Variants in EFCAB14 observed in about 807,000 individuals in gnomAD.
EFCAB14 encodes the protein EF-hand calcium-binding domain-containing protein 14.
A neutral mutation model predicts 56.5 loss-of-function variants in EFCAB14; 43 were observed. That is an observed-to-expected ratio of 0.76 (90% CI 0.60 to 0.98). EFCAB14 has a LOEUF of 0.98. Among genes scored for constraint, EFCAB14 ranks in the 50% least tolerant of loss-of-function variants. EFCAB14 has a pLI of 0.00. For missense variants in EFCAB14, 538 were observed against 580.3 expected (o/e 0.93, Z 0.75); for synonymous variants, 235 against 212.9 (o/e 1.10, Z -0.90).
At chr1:46,686,503 G>A (rs1676883986) in intron 8 of EFCAB14, among the ~76,000 whole-genome samples, 1 of 152,048 alleles carries the variant, frequency 6.6e-6, no homozygotes, top group African/African-American at 2.4e-5. Flanking sequence ...ATGTGTTAAC[G>A]ATTTTCTGAC....
At position 46,698,042 on chromosome 1, in the gene EFCAB14, G is replaced by A. The variant is rs1353584352; in HGVS notation, c.481-1393C>T. ...AATTTTTGCATTTTTAGTAAAGATA[G>A]GGGTTTCGCCATGTTGGCCAGGCTG... is the stretch of plus-strand genomic sequence containing the variant. On this transcript the variant is annotated intron_variant, in intron 3 of 10. Transcript: ENST00000371933. Among the ~76,000 whole-genome samples the A allele has an allele frequency of 2.0e-5, 3 of 152,120 alleles. No individual in the cohort carries two copies. The East Asian group carries it at 5.8e-4, about 30-fold the overall frequency.
chr1:46,706,763 C>A (rs6667885), intron 3 of EFCAB14, among the ~76,000 whole-genome samples: 57,332 of 152,046 alleles, frequency 0.38, 12,155 homozygotes, highest in East Asian at 0.78. Context: ...AAATACTAGA[C>A]GGCTGTAACT....
At chr1:46,694,963 C>A (rs950759284) in intron 4 of EFCAB14, among the ~76,000 whole-genome samples, 2 of 151,376 alleles carry the variant, frequency 1.3e-5, no homozygotes, top group African/African-American at 4.9e-5. Flanking sequence ...TCATTCTCAG[C>A]AAACTATTGC....
chr1:46,717,707 T>C (rs1329754599), intron 1 of EFCAB14, among the ~76,000 whole-genome samples, 196 bp downstream of exon 1: 2 of 152,214 alleles, frequency 1.3e-5, no homozygotes, highest in Non-Finnish European at 2.9e-5. Context: ...TTTCTACACC[T>C]AAAGACAGAT....
chr1:46,700,986 A>AGTGAGTGT (rs145670885), intron 3 of EFCAB14, among the ~76,000 whole-genome samples: 2,103 of 142,902 alleles, frequency 0.015, 15 homozygotes, highest in Non-Finnish European at 0.021. Flanking sequence ...AGAGTGAGTG[A>AGTGAGTGT]GTGTGTGTGT....
chr1:46,710,657 G>A (rs538096741), intron 2 of EFCAB14, among the ~76,000 whole-genome samples: 11 of 152,150 alleles, frequency 7.2e-5, no homozygotes, highest in Admixed American at 7.2e-4. Flanking sequence ...GGGCTCAGGC[G>A]ATCCTTCTGC....
At chr1:46,683,560 T>C (rs1240996314) in intron 9 of EFCAB14, 135 bp from the exon 10 acceptor site, 4 of 948,484 alleles carry the variant, frequency 4.2e-6, no homozygotes, top group Non-Finnish European at 4.6e-6. Context: ...AGTAGCATAG[T>C]GACTATGTGA....
intron 2 of EFCAB14, among the ~76,000 whole-genome samples, chr1:46,710,440 A>G (rs1358537336): frequency 2.0e-5 from 3 of 152,142 alleles, no homozygotes; most frequent in African/African-American, 7.2e-5. Context: ...CCTCCTATCT[A>G]GCTGTAATTT....
intron 2 of EFCAB14, among the ~76,000 whole-genome samples, chr1:46,715,558 C>T (rs1024770373): frequency 6.6e-6 from 1 of 152,024 alleles, no homozygotes; most frequent in Non-Finnish European, 1.5e-5. Context: ...ACAGATGCTC[C>T]CACATTCTTT....
Position 46,676,165 on chromosome 1 carries a change from T to C in EFCAB14, c.*2296A>G, listed in dbSNP as rs1026303019. The C allele has an allele frequency of 3.3e-5, 5 of 152,194 alleles. No homozygotes were observed. Among genetic ancestry groups the C allele is most frequent in the Admixed American group, 2.6e-4 (4 of 15,286 alleles). 9.4% of individuals were successfully genotyped at this position (152,194 alleles called of 1,614,324 possible). ...AAGAAAGGAGTTCAAGATACCCTAC[T>C]TTTGCCTGGAAGATGTACTTTCTCA... On this transcript the variant is annotated 3_prime_UTR_variant, in exon 11 of 11. Coordinates refer to ENST00000371933, the MANE Select transcript of EFCAB14 (RefSeq NM_014774.3).
intron 8 of EFCAB14, 95 bp downstream of exon 8, chr1:46,686,689 C>A: frequency 8.0e-7 from 1 of 1,247,192 alleles, no homozygotes; most frequent in Non-Finnish European, 1.1e-6. Flanking sequence ...CACATGAGAA[C>A]AAAAGTACGC....
chr1:46,712,323 C>G (rs558704988), intron 2 of EFCAB14, among the ~76,000 whole-genome samples: 1 of 152,150 alleles, frequency 6.6e-6, no homozygotes, highest in Non-Finnish European at 1.5e-5. Flanking sequence ...TTACTCAAGT[C>G]TTTCATAGTG....
intron 2 of EFCAB14, among the ~76,000 whole-genome samples, chr1:46,712,003 GC>G (rs1677315298): frequency 6.6e-6 from 1 of 152,176 alleles, no homozygotes; most frequent in Non-Finnish European, 1.5e-5. Flanking sequence ...TGCCCAAAGT[GC>G]TTTGGTAGCA....
chr1:46,693,288 G>C (rs1677028171), intron 4 of EFCAB14, among the ~76,000 whole-genome samples: 1 of 152,182 alleles, frequency 6.6e-6, no homozygotes, highest in African/African-American at 2.4e-5. Context: ...CATGCTGACA[G>C]TTTTACAGTG....
Position 46,689,657 on chromosome 1 carries a change from T to G in EFCAB14, c.725A>C (p.Asn242Thr). The change falls in exon 6 of 11, where the codon AAC becomes ACC. Residue 242 changes from asparagine (N) to threonine (T), a missense_variant. Coordinates refer to ENST00000371933, the MANE Select transcript of EFCAB14 (RefSeq NM_014774.3). Reference protein sequence around the residue: ...QHFLKETPGSNQIIPSPSATS... With the variant: ...QHFLKETPGSTQIIPSPSATS... ...GGCTGAAGGTGACGGAATGATCTGG[T>G]TGCTTCCAGGAGTCTCCTTCAAGAA... 6.2e-7 allele frequency: 1 copy of G among 1,613,914 alleles called. No individual in the cohort carries two copies. The highest frequency in any genetic ancestry group is 8.5e-7 in the Non-Finnish European group (1 of 1,179,802).
intron 3 of EFCAB14, among the ~76,000 whole-genome samples, chr1:46,704,553 A>G (rs1677208916): frequency 1.3e-5 from 2 of 152,004 alleles, no homozygotes. Flanking sequence ...ACAACAAGAA[A>G]GTGCCATGTA....
intron 4 of EFCAB14, among the ~76,000 whole-genome samples, chr1:46,694,788 T>C (rs567907962): frequency 5.0e-4 from 76 of 152,286 alleles, no homozygotes; most frequent in African/African-American, 1.7e-3. Context: ...CTTATGTTTA[T>C]TGCGGCACTA....
At chr1:46,716,509 A>G in intron 1 of EFCAB14, 66 bp from the exon 2 acceptor site, 1 of 1,569,912 alleles carries the variant, frequency 6.4e-7, no homozygotes, top group Non-Finnish European at 8.7e-7. Context: ...TATTAGCAAT[A>G]GTACACGTTT....
chr1:46,717,443 C>A (rs906391865), intron 1 of EFCAB14, among the ~76,000 whole-genome samples: 1 of 152,186 alleles, frequency 6.6e-6, no homozygotes, highest in South Asian at 2.1e-4. Context: ...CACCTACTCT[C>A]AAGGCTCATA....
Sources: allele counts gnomAD v4.1 joint callset (sites outside exome capture counted in the v4.1 genomes callset), GRCh38; gene constraint gnomAD v4.1.1; transcripts MANE v1.5; gene names NCBI Gene and HGNC (gene_info 2026-07-23, HGNC 2026-07-21).